The following GRK3 variants were observed in gnomAD, a reference collection of about 807,000 sequenced individuals.
The protein encoded by GRK3 is G protein-coupled receptor kinase 3.
A neutral mutation model predicts 95.7 loss-of-function variants in GRK3; 54 were observed. That is an observed-to-expected ratio of 0.56 (90% confidence interval 0.45 to 0.71). The LOEUF is 0.71. Among genes scored for constraint, GRK3 ranks in the 30% least tolerant of loss-of-function variants. The probability of loss-of-function intolerance (pLI) is 0.00; values close to 1 mark genes in which losing one functional copy is unlikely to be tolerated. For missense variants in GRK3, 649 were observed against 851.2 expected (o/e 0.76, Z 2.96); for synonymous variants, 281 against 290.8 (o/e 0.97, Z 0.34).
chr22:25,666,042 A>G (rs1009011717), intron 5 of GRK3, among the ~76,000 whole-genome samples: 7 of 152,146 alleles, frequency 4.6e-5, no homozygotes, highest in Non-Finnish European at 1.0e-4. Flanking sequence ...TTTACAGATT[A>G]AGGGAACTGA....
chr22:25,626,826 G>T (rs2084631822), intron 2 of GRK3, among the ~76,000 whole-genome samples: 1 of 152,210 alleles, frequency 6.6e-6, no homozygotes, highest in Non-Finnish European at 1.5e-5. Context: ...GCCCCCAGTG[G>T]GTTGGCAGTG....
At chr22:25,667,667 G>A (rs2084951372) in intron 5 of GRK3, 72 bp from the exon 6 acceptor site, 1 of 1,077,082 alleles carries the variant, frequency 9.3e-7, no homozygotes. Context: ...CTTAACCTGA[G>A]TCTCATTGGT....
intron 13 of GRK3, among the ~76,000 whole-genome samples, chr22:25,701,047 G>A (rs1212316893): frequency 1.3e-5 from 2 of 152,156 alleles, no homozygotes; most frequent in Non-Finnish European, 2.9e-5. Flanking sequence ...TCATTTAGGG[G>A]AAACGTGCAG....
At chr22:25,572,909 G>A (rs1931756487) in intron 1 of GRK3, among the ~76,000 whole-genome samples, 1 of 152,100 alleles carries the variant, frequency 6.6e-6, no homozygotes, top group South Asian at 2.1e-4. Context: ...AGATGTTGGG[G>A]GACATCCAAT....
chr22:25,716,524 C>T (rs1035881543), intron 18 of GRK3, among the ~76,000 whole-genome samples: 1 of 152,044 alleles, frequency 6.6e-6, no homozygotes, highest in African/African-American at 2.4e-5. Context: ...AATTTATCTT[C>T]CTGTGTTAGT....
intron 2 of GRK3, among the ~76,000 whole-genome samples, chr22:25,613,226 C>G (rs1369928972): frequency 6.6e-6 from 1 of 151,756 alleles, no homozygotes; most frequent in Admixed American, 6.6e-5. Context: ...TTGTTTTCCT[C>G]TGTGTTCCTA....
intron 2 of GRK3, among the ~76,000 whole-genome samples, chr22:25,644,323 G>A (rs767491015): frequency 1.3e-5 from 2 of 151,870 alleles, no homozygotes; most frequent in Non-Finnish European, 2.9e-5. Context: ...CAGCCCTGTC[G>A]TATCATACTT....
intron 19 of GRK3, among the ~76,000 whole-genome samples, chr22:25,719,201 A>C (rs543055607): frequency 4.1e-4 from 63 of 152,242 alleles, no homozygotes; most frequent in African/African-American, 1.4e-3. Context: ...GCTGTTAAAA[A>C]AAAAAAAAAC....
Position 25,703,612 on chromosome 22 carries a change from G to A in GRK3, c.1227+36G>A, listed in dbSNP as rs763221517. ...TCAAAACTGTATTCTTGTCTGTATGGTAATTGTCATGCTTCATTCCGTCAA... is the reference window on the plus strand; with the variant it reads ...TCAAAACTGTATTCTTGTCTGTATGATAATTGTCATGCTTCATTCCGTCAA... On this transcript the variant is annotated intron_variant, in intron 14 of 20. Transcript: ENST00000324198. 62 of 1,433,200 alleles carry A rather than the reference G, an allele frequency of 4.3e-5. No homozygotes were observed. The Admixed American group carries it at 1.0e-3, about 24-fold the overall frequency. The allele number at this position is 1,433,200 out of a possible 1,614,324, so 88.8% of individuals were successfully genotyped here.
intron 9 of GRK3, among the ~76,000 whole-genome samples, chr22:25,683,668 TATCCTCTTACGTGA>T (rs1375480278): frequency 6.6e-6 from 1 of 152,248 alleles, no homozygotes; most frequent in Non-Finnish European, 1.5e-5. Flanking sequence ...GGCTATGTGG[TATCCTCTTACGTGA>T]ATTGCCTATT....
intron 1 of GRK3, among the ~76,000 whole-genome samples, chr22:25,583,997 A>G (rs1036876608): frequency 7.9e-5 from 12 of 152,280 alleles, no homozygotes; most frequent in African/African-American, 2.9e-4. Context: ...TGAGAAAAAT[A>G]CTAGAGAAAA....
chr22:25,675,325 C>T (rs983047624), intron 8 of GRK3, among the ~76,000 whole-genome samples: 1 of 152,106 alleles, frequency 6.6e-6, no homozygotes, highest in Non-Finnish European at 1.5e-5. Flanking sequence ...CAATGATCAC[C>T]GATCATGGGC....
intron 14 of GRK3, 45 bp downstream of exon 14, chr22:25,703,621 A>T (rs2085275298): frequency 7.5e-7 from 1 of 1,341,732 alleles, no homozygotes; most frequent in South Asian, 1.2e-5. Flanking sequence ...GGTAATTGTC[A>T]TGCTTCATTC....
chr22:25,572,000 C>T (rs1353000015), intron 1 of GRK3, among the ~76,000 whole-genome samples: 1 of 151,980 alleles, frequency 6.6e-6, no homozygotes, highest in Non-Finnish European at 1.5e-5. Flanking sequence ...AATGCTATCC[C>T]TACCCCTTCC....
chr22:25,694,598 C>T (rs539971987), intron 12 of GRK3, among the ~76,000 whole-genome samples: 1 of 152,316 alleles, frequency 6.6e-6, no homozygotes, highest in South Asian at 2.1e-4. Flanking sequence ...TCTTTCCCAT[C>T]CCCCTGGGGT....
intron 2 of GRK3, among the ~76,000 whole-genome samples, chr22:25,642,216 T>C (rs2084748373): frequency 6.6e-6 from 1 of 152,142 alleles, no homozygotes; most frequent in African/African-American, 2.4e-5. Context: ...GTGGATCACC[T>C]GAGGTCAGGA....
intron 2 of GRK3, among the ~76,000 whole-genome samples, chr22:25,613,157 G>T (rs368836254): frequency 6.6e-6 from 1 of 151,140 alleles, no homozygotes; most frequent in Non-Finnish European, 1.5e-5. Flanking sequence ...ACAGCAAATA[G>T]AGCCGTCTTG....
At chr22:25,583,086 C>A (rs980682476) in intron 1 of GRK3, among the ~76,000 whole-genome samples, 1 of 152,194 alleles carries the variant, frequency 6.6e-6, no homozygotes, top group Non-Finnish European at 1.5e-5. Context: ...AAATTCCTAA[C>A]TGGCTCTTGT....
At chr22:25,623,707 C>T (rs1414953327) in intron 2 of GRK3, among the ~76,000 whole-genome samples, 1 of 152,160 alleles carries the variant, frequency 6.6e-6, no homozygotes, top group East Asian at 1.9e-4. Context: ...ACATTAATGA[C>T]ACCGCTGTTC....
Sources: gnomAD v4.1 joint callset for allele counts (sites outside exome capture counted in the v4.1 genomes callset) on GRCh38, gnomAD v4.1.1 for gene constraint, MANE v1.5 for transcripts, NCBI Gene and HGNC (gene_info 2026-07-23, HGNC 2026-07-21) for gene names.